The following PER2 variants were observed in gnomAD, a reference collection of about 807,000 sequenced individuals.
The protein encoded by PER2 is period circadian protein homolog 2.
Under a neutral mutation model 121.0 loss-of-function variants are expected in PER2, and 66 were observed. That is an observed-to-expected ratio of 0.55 (90% CI 0.45 to 0.67). PER2 has a LOEUF of 0.67. PER2 is among the 30% of genes least tolerant of loss of function. PER2 has a pLI of 0.00. For synonymous variants in PER2, 684 were observed against 659.9 expected (o/e 1.04, Z -0.56); for missense variants, 1,521 against 1,635.0 (o/e 0.93, Z 1.20).
chr2:238,290,901 C>T (rs765001304), upstream of PER2, among the ~76,000 whole-genome samples: 4 of 152,184 alleles, frequency 2.6e-5, no homozygotes, highest in Non-Finnish European at 4.4e-5. Context: ...CAGAGGACAG[C>T]GCTCAGGGGA....
intron 1 of PER2, among the ~76,000 whole-genome samples, chr2:238,285,313 G>C (rs978627863): frequency 1.3e-5 from 2 of 152,114 alleles, no homozygotes; most frequent in African/African-American, 2.4e-5. Flanking sequence ...CAAGAACAGA[G>C]AGCCTGGGAT....
the PER2 span, among the ~76,000 whole-genome samples, chr2:238,297,427 T>G: frequency 6.6e-6 from 1 of 152,016 alleles, no homozygotes; most frequent in Non-Finnish European, 1.5e-5. Flanking sequence ...GGCCTCTGAA[T>G]CCTCTGAGAA....
At chr2:238,251,862 G>T in intron 19 of PER2, 101 bp from the exon 20 acceptor site, 1 of 888,320 alleles carries the variant, frequency 1.1e-6, no homozygotes, top group East Asian at 2.6e-5. Context: ...TGAGGGTGGA[G>T]GGGTGCTGTG....
intron 20 of PER2, 76 bp from the exon 21 acceptor site, chr2:238,250,819 G>C: frequency 2.8e-6 from 3 of 1,060,324 alleles, no homozygotes; most frequent in Non-Finnish European, 4.3e-6. Context: ...CTTCCTCAAA[G>C]TCAGAATGAT....
Position 238,260,831 on chromosome 2 carries a change from T to A in PER2, c.1539A>T (p.Arg513Ser), listed in dbSNP as rs1695902877. 2 of 1,614,114 alleles carry A rather than the reference T, an allele frequency of 1.2e-6. No homozygotes were observed. Among genetic ancestry groups the A allele is most frequent in the South Asian group, 2.2e-5 (2 of 91,084 alleles). ...SNGHEDSRRR[R>S]AEICKNGNKT... is the part of the protein sequence containing the mutation. ...GGGAGAATGGAAGGAGACGTACGGC[T>A]CTCCTCCGGCGTGAGTCCTCATGGC... The change falls in exon 13 of 23, where the codon AGA becomes AGT. Residue 513 changes from arginine to serine, a missense_variant. Coordinates refer to ENST00000254657, the MANE Select transcript of PER2 (RefSeq NM_022817.3).
chr2:238,284,901 G>A (rs1040833607), intron 1 of PER2, among the ~76,000 whole-genome samples: 5 of 152,182 alleles, frequency 3.3e-5, no homozygotes, highest in African/African-American at 4.8e-5. Context: ...CAAAACCAAC[G>A]TCCCTGTCAA....
At chr2:238,275,970 G>A (rs1177143701) in intron 3 of PER2, 73 bp from the exon 4 acceptor site, 1 of 1,517,302 alleles carries the variant, frequency 6.6e-7, no homozygotes, top group Admixed American at 1.7e-5. Context: ...CGTGCCTCTT[G>A]CCCATTTTCT....
chr2:238,255,689 T>G lies in PER2; in HGVS notation c.2288A>C (p.Gln763Pro). The change falls in exon 18 of 23, where the codon CAA becomes CCA. Residue 763 changes from glutamine to proline, a missense_variant. By Grantham distance (76) the Gln-to-Pro change is moderately conservative. Coordinates refer to ENST00000254657, the MANE Select transcript of PER2 (RefSeq NM_022817.3). ...ACTTGGCTGCCCCTTGGATCTTTCT[T>G]GCAAGTAGTAATGGCAGTGGGACTG... ...IFQSHCHYYL[Q>P]ERSKGQPSER... The G allele has an allele frequency of 6.2e-7, 1 of 1,614,274 alleles. No homozygotes were observed. Among genetic ancestry groups the G allele is most frequent in the Non-Finnish European group, 8.5e-7 (1 of 1,180,040 alleles).
Position 238,246,351 on chromosome 2 carries a change from TG to T in PER2, c.*23del. The stretch of plus-strand genomic sequence containing the variant: ...GCACCACCTGGTGTACCTCGCTGGC[TG>T]CCGGGCTGAGGTGGGGCAGGGGTTA... On this transcript the variant is annotated 3_prime_UTR_variant, in exon 23 of 23. Transcript: ENST00000254657. 2 of 1,571,650 alleles carry T rather than the reference TG, an allele frequency of 1.3e-6. No individual in the cohort carries two copies. Among genetic ancestry groups the T allele is most frequent in the South Asian group, 2.3e-5 (2 of 86,528 alleles).
intron 5 of PER2, among the ~76,000 whole-genome samples, chr2:238,272,512 C>G (rs1259580233): frequency 6.6e-6 from 1 of 152,224 alleles, no homozygotes; most frequent in African/African-American, 2.4e-5. Flanking sequence ...GATTAGGGAG[C>G]CCTGTTATGA....
At chr2:238,248,217 A>G (rs1004406839) in intron 22 of PER2, among the ~76,000 whole-genome samples, 1 of 152,198 alleles carries the variant, frequency 6.6e-6, no homozygotes, top group Non-Finnish European at 1.5e-5. Flanking sequence ...CCCTGGAGAG[A>G]GCCGCTCACT....
Position 238,253,172 on chromosome 2 carries a change from T to G in PER2, c.2851A>C (p.Ser951Arg). 1 of 1,593,316 alleles carries G rather than the reference T, an allele frequency of 6.3e-7. No individual in the cohort carries two copies. Among genetic ancestry groups the G allele is most frequent in the Non-Finnish European group, 8.6e-7 (1 of 1,166,944 alleles). Reference protein sequence around the residue: ...MASASQPEFPSRTSIPRQPCA... With the variant: ...MASASQPEFPRRTSIPRQPCA... Reference sequence around the variant, plus strand: ...GGCTGTCTGGGGATCGAGGTCCGGCTGGGGAACTCAGGCTGTGAGGCAGAG... The same window carrying G: ...GGCTGTCTGGGGATCGAGGTCCGGCGGGGGAACTCAGGCTGTGAGGCAGAG... The change falls in exon 19 of 23, where the codon AGC becomes CGC. Residue 951 changes from serine to arginine, a missense_variant. Transcript: ENST00000254657. The surrounding 1 kb of genome is among the most constrained non-coding windows in gnomAD (Gnocchi z 5.6).
chr2:238,259,543 C>T (rs1443111622), intron 14 of PER2, among the ~76,000 whole-genome samples: 1 of 152,210 alleles, frequency 6.6e-6, no homozygotes, highest in Non-Finnish European at 1.5e-5. Context: ...CTGGGCAAAC[C>T]GTCGGCAGTT....
intron 12 of PER2, among the ~76,000 whole-genome samples, chr2:238,261,282 CCA>C (rs1283114046): frequency 6.6e-6 from 1 of 152,254 alleles, no homozygotes; most frequent in Non-Finnish European, 1.5e-5. Flanking sequence ...CAGCTTCACT[CCA>C]CAGTCTCCGG....
chr2:238,280,789 C>A (rs976447045), intron 1 of PER2, among the ~76,000 whole-genome samples: 3 of 152,056 alleles, frequency 2.0e-5, no homozygotes, highest in African/African-American at 7.2e-5. Context: ...ATAAAGAGAA[C>A]CATCCTGAAC....
Position 238,260,966 on chromosome 2 carries a change from C to T in PER2, c.1417-13G>A, listed in dbSNP as rs1239386290. 1 of 1,611,200 alleles carries T rather than the reference C, an allele frequency of 6.2e-7. No homozygotes were observed. The highest frequency in any genetic ancestry group is 1.1e-5 in the South Asian group (1 of 91,074). On this transcript the variant is annotated splice_polypyrimidine_tract_variant and intron_variant, in intron 12 of 22. Coordinates refer to ENST00000254657, the MANE Select transcript of PER2 (RefSeq NM_022817.3). ...TGTGGGGGACGGGCTGGGGAGACAGCAGACAGCGCTACAGACACAGCCAGG... is the reference window on the plus strand; with the variant it reads ...TGTGGGGGACGGGCTGGGGAGACAGTAGACAGCGCTACAGACACAGCCAGG...
chr2:238,253,190 A>C lies in PER2; in HGVS notation c.2833T>G (p.Ser945Ala). The C allele has an allele frequency of 6.3e-7, 1 of 1,593,810 alleles. No homozygotes were observed. The highest frequency in any genetic ancestry group is 1.3e-5 in the African/African-American group (1 of 74,654). The stretch of plus-strand genomic sequence containing the variant: ...GTCCGGCTGGGGAACTCAGGCTGTG[A>C]GGCAGAGGCCATCTCGGATGTGAGT... ...PTLTSEMASA[S>A]QPEFPSRTSI... Residue 945 changes from serine to alanine, a missense_variant, in exon 19 of 23, where the codon TCA (serine) becomes GCA (alanine). Coordinates refer to ENST00000254657, the MANE Select transcript of PER2 (RefSeq NM_022817.3). The surrounding 1 kb of genome is among the most constrained non-coding windows in gnomAD (Gnocchi z 5.6).
chr2:238,254,129 T>C (rs1478838833), intron 18 of PER2: 1 of 253,968 alleles, frequency 3.9e-6, no homozygotes, highest in Non-Finnish European at 7.6e-6. Flanking sequence ...TTTCAATTTA[T>C]AAGCACTGTC....
intron 11 of PER2, 22 bp from the exon 12 acceptor site, chr2:238,261,859 T>C (rs372546118): frequency 6.6e-7 from 1 of 1,525,744 alleles, no homozygotes. Context: ...TAATTCATCT[T>C]GTTAGATGGG....
Sources: gnomAD v4.1 joint callset for allele counts (sites outside exome capture counted in the v4.1 genomes callset) on GRCh38, gnomAD v4.1.1 for gene constraint, Gnocchi (gnomAD v3.1) non-coding constraint, MANE v1.5 for transcripts, NCBI Gene and HGNC (gene_info 2026-07-23, HGNC 2026-07-21) for gene names.